SRGAP2: variants seen among roughly 807,000 people sequenced by gnomAD.
The protein encoded by SRGAP2 is SLIT-ROBO Rho GTPase activating protein 2, also known as SLIT-ROBO Rho GTPase-activating protein 2.
Under a neutral mutation model 57.2 loss-of-function variants are expected in SRGAP2, and 15 were observed. The ratio of observed to expected loss-of-function variants is 0.26; its 90% CI spans 0.18 to 0.40. SRGAP2 has a LOEUF of 0.40. Ranked by LOEUF, SRGAP2 falls within the 10% of genes least tolerant of loss-of-function variation. The pLI, the probability that SRGAP2 is intolerant of heterozygous loss-of-function variation, is 1.00. For missense variants in SRGAP2, 520 were observed against 669.6 expected (o/e 0.78, Z 2.47); for synonymous variants, 249 against 248.0 (o/e 1.00, Z -0.04).
chr1:206,289,607 TG>T (rs1358860246), intron 2 of SRGAP2, among the ~76,000 whole-genome samples: 2 of 150,590 alleles, frequency 1.3e-5, no homozygotes, highest in East Asian at 2.0e-4. Context: ...TGTTTTGTTT[TG>T]TTTTTTTAAA....
rs1197579154 is a variant in SRGAP2 at position 206,266,966 on chromosome 1, C to CTTTT, written c.68-36298_68-36295dup. Among the ~76,000 whole-genome samples the CTTTT allele has an allele frequency of 2.7e-4, 19 of 70,068 alleles. 2 individuals are homozygous for CTTTT. Among genetic ancestry groups the CTTTT allele is most frequent in the East Asian group, 7.0e-4 (1 of 1,438 alleles). The allele number at this position is 70,068 out of a possible 152,430, so 46.0% of individuals were successfully genotyped here. A position where few individuals can be genotyped will look rare whatever the true frequency, so the allele number is the denominator to read the frequency against. ...CTAGAAATCTTTCCAGCAAAACTTACTTTTTTTTTTTTTTTTTTTTGAGAC... is the reference window on the plus strand; with the variant it reads ...CTAGAAATCTTTCCAGCAAAACTTACTTTTTTTTTTTTTTTTTTTTTTTTGAGAC... On this transcript the variant is annotated intron_variant, in intron 2 of 22. Transcript: ENST00000573034.
intron 17 of SRGAP2, among the ~76,000 whole-genome samples, chr1:206,442,532 G>A (rs1662399146): frequency 6.6e-6 from 1 of 152,172 alleles, no homozygotes; most frequent in Non-Finnish European, 1.5e-5. Context: ...ACAGTGGGGA[G>A]AAACAATAGA....
intron 4 of SRGAP2, among the ~76,000 whole-genome samples, chr1:206,351,120 T>G (rs1381744982): frequency 2.0e-5 from 3 of 152,192 alleles, no homozygotes; most frequent in African/African-American, 7.2e-5. Flanking sequence ...GTCCAGCTGT[T>G]TGGCATGTGT....
At chr1:206,421,198 T>C in intron 12 of SRGAP2, 52 bp from the exon 13 acceptor site, 2 of 756,008 alleles carry the variant, frequency 2.6e-6, no homozygotes, top group South Asian at 1.4e-5. Flanking sequence ...TTTTCTCTTT[T>C]TCTCCCTTGT....
At chr1:206,286,992 C>G (rs1286918682) in intron 2 of SRGAP2, among the ~76,000 whole-genome samples, 2 of 152,048 alleles carry the variant, frequency 1.3e-5, no homozygotes. Flanking sequence ...GGCAGCAAGA[C>G]CAGTTAGGAG....
intron 2 of SRGAP2, among the ~76,000 whole-genome samples, chr1:206,282,060 A>C (rs1670771505): frequency 9.0e-6 from 1 of 110,654 alleles, no homozygotes; most frequent in Admixed American, 9.3e-5. Context: ...AAAGCAAGTC[A>C]TGTAGTGTGT....
chr1:206,306,187 C>A (rs1672182338), intron 3 of SRGAP2, among the ~76,000 whole-genome samples: 3 of 152,198 alleles, frequency 2.0e-5, no homozygotes, highest in African/African-American at 7.2e-5. Context: ...TCACTGACTT[C>A]AAGAATGAGG....
At chr1:206,441,642 A>G (rs1489381533) in intron 17 of SRGAP2, among the ~76,000 whole-genome samples, 1 of 152,226 alleles carries the variant, frequency 6.6e-6, no homozygotes, top group Non-Finnish European at 1.5e-5. Flanking sequence ...TCTTGAGAAC[A>G]ATGAAATCAT....
chr1:206,262,234 A>G (rs1253615153), intron 2 of SRGAP2, among the ~76,000 whole-genome samples: 3 of 148,920 alleles, frequency 2.0e-5, no homozygotes, highest in Non-Finnish European at 4.4e-5. Flanking sequence ...GTCAAGTTAT[A>G]TAACCTCCGA....
At chr1:206,360,028 G>A (rs2102988616) in intron 4 of SRGAP2, among the ~76,000 whole-genome samples, 1 of 151,584 alleles carries the variant, frequency 6.6e-6, no homozygotes, top group South Asian at 2.1e-4. Context: ...GGATGGTCTC[G>A]ATCTCCTGAC....
chr1:206,241,583 T>C lies in SRGAP2; in HGVS notation c.67+35546T>C, dbSNP rs370851173. Among the ~76,000 whole-genome samples the C allele has an allele frequency of 1.3e-4, 20 of 151,826 alleles. No homozygotes were observed. In the East Asian group the frequency reaches 2.7e-3, roughly 21 times the overall value. On this transcript the variant is annotated intron_variant, in intron 2 of 22. Transcript: ENST00000573034. ...TCTTGGGATCAAATGTACAGCTAAA[T>C]TGATGAGATCAATTCATTAAGATAA...
intron 4 of SRGAP2, among the ~76,000 whole-genome samples, chr1:206,350,887 T>G (rs1553338033): frequency 6.6e-6 from 1 of 151,864 alleles, no homozygotes; most frequent in East Asian, 1.9e-4. Context: ...GAGGCTCAGT[T>G]AATACTTTTC....
At chr1:206,444,178 CAA>C (rs782535999) in intron 17 of SRGAP2, among the ~76,000 whole-genome samples, 13 of 116,954 alleles carry the variant, frequency 1.1e-4, no homozygotes, top group Admixed American at 4.4e-4. Flanking sequence ...GACTCCGTCT[CAA>C]AAAAAAAAAA....
chr1:206,302,603 A>G (rs2102751867), intron 2 of SRGAP2, among the ~76,000 whole-genome samples: 1 of 152,326 alleles, frequency 6.6e-6, no homozygotes, highest in African/African-American at 2.4e-5. Context: ...GATATTGGAA[A>G]CTGTGAAATC....
At chr1:206,252,360 T>G (rs1469203943) in intron 2 of SRGAP2, among the ~76,000 whole-genome samples, 4 of 151,966 alleles carry the variant, frequency 2.6e-5, no homozygotes, top group African/African-American at 9.7e-5. Context: ...GAAATAAGTG[T>G]GAGTCCACAT....
chr1:206,454,666 C>T lies in SRGAP2; in HGVS notation c.2361-212C>T, dbSNP rs1663660209. 4 of 547,056 alleles carry T rather than the reference C, an allele frequency of 7.3e-6. No homozygotes were observed. In the South Asian group the frequency reaches 9.6e-5, roughly 13 times the overall value. The allele number at this position is 547,056 out of a possible 1,614,324, so 33.9% of individuals were successfully genotyped here. On this transcript the variant is annotated intron_variant, in intron 20 of 22. Coordinates refer to ENST00000573034, the MANE Select transcript of SRGAP2 (RefSeq NM_015326.5). This position sits in a 1 kb window ranked among gnomAD's most constrained non-coding sequence, Gnocchi z 4.3. ...GAGGAGCTGAGGAGCCCGCAGAACTCAGCGGATTATTTATTTTTATTTAAA... is the reference window on the plus strand; with the variant it reads ...GAGGAGCTGAGGAGCCCGCAGAACTTAGCGGATTATTTATTTTTATTTAAA...
Position 206,450,469 on chromosome 1 carries a change from C to G in SRGAP2, c.2179+4C>G, listed in dbSNP as rs782605897. 1.2e-5 allele frequency: 9 copies of G among 780,672 alleles called. No individual in the cohort carries two copies. In the South Asian group the frequency reaches 1.2e-4, roughly 10 times the overall value. 48.4% of individuals were successfully genotyped at this position (780,672 alleles called of 1,614,324 possible). On this transcript the variant is annotated splice_donor_region_variant and intron_variant, in intron 19 of 22. Coordinates refer to ENST00000573034, the MANE Select transcript of SRGAP2 (RefSeq NM_015326.5). ...GAGCACCACACGAGCGATGACGGTA[C>G]GAGGCCCTGCTTCCTGGTCAGTGGG...
chr1:206,415,718 C>T (rs1164037923), intron 10 of SRGAP2, among the ~76,000 whole-genome samples, 171 bp from the exon 11 acceptor site: 1 of 152,192 alleles, frequency 6.6e-6, no homozygotes, highest in African/African-American at 2.4e-5. Context: ...CCATGAAAAT[C>T]AACAGCTGCC....
intron 13 of SRGAP2, among the ~76,000 whole-genome samples, chr1:206,422,290 C>T (rs753269357): frequency 1.3e-5 from 2 of 152,308 alleles, no homozygotes; most frequent in South Asian, 2.1e-4. Context: ...ATACAGGCCT[C>T]GCTTGTCTCA....
Sources: allele counts gnomAD v4.1 joint callset (sites outside exome capture counted in the v4.1 genomes callset), GRCh38; gene constraint gnomAD v4.1.1; non-coding constraint Gnocchi (gnomAD v3.1); transcripts MANE v1.5; gene names NCBI Gene and HGNC (gene_info 2026-07-23, HGNC 2026-07-21).